Variants in TEF observed in about 807,000 individuals in gnomAD.
The protein encoded by TEF is thyrotroph embryonic factor.
TEF carries 3 observed loss-of-function variants against 20.8 expected under a neutral mutation model. The ratio of observed to expected loss-of-function variants is 0.14; its 90% confidence interval spans 0.07 to 0.37. The LOEUF is 0.37. Ranked by LOEUF, TEF falls within the 10% of genes least tolerant of loss-of-function variation. The probability of loss-of-function intolerance (pLI) is 1.00; values close to 1 mark genes in which losing one functional copy is unlikely to be tolerated. For missense variants in TEF, 296 were observed against 397.9 expected (o/e 0.74, Z 2.18); for synonymous variants, 180 against 171.1 (o/e 1.05, Z -0.41).
intron 2 of TEF, 68 bp downstream of exon 2, chr22:41,387,736 G>T: frequency 6.8e-7 from 1 of 1,481,082 alleles, no homozygotes; most frequent in Non-Finnish European, 9.1e-7. Flanking sequence ...ACTGAGGGCT[G>T]CTTGTGTCCA....
intron 2 of TEF, among the ~76,000 whole-genome samples, chr22:41,388,474 G>A (rs971181286): frequency 2.0e-4 from 31 of 151,758 alleles, no homozygotes; most frequent in African/African-American, 5.8e-4. Flanking sequence ...GACCTACGTT[G>A]GCCTCCCAAA....
intron 1 of TEF, chr22:41,367,707 C>T: frequency 8.7e-7 from 1 of 1,147,318 alleles, no homozygotes; most frequent in South Asian, 1.5e-5. Flanking sequence ...CAGGGAGGGT[C>T]TCAGCAGTGG....
chr22:41,383,666 CT>C (rs1463835972), intron 1 of TEF, among the ~76,000 whole-genome samples: 3 of 152,216 alleles, frequency 2.0e-5, no homozygotes, highest in Admixed American at 6.5e-5. Flanking sequence ...GTTGCATGAC[CT>C]GAGTGATGGA....
upstream of TEF, among the ~76,000 whole-genome samples, chr22:41,379,051 G>T (rs62238185): frequency 6.6e-6 from 1 of 152,172 alleles, no homozygotes; most frequent in South Asian, 2.1e-4. Context: ...CAGAAACCCC[G>T]TAAGGTAGGC....
At chr22:41,392,597 C>T (rs1454652332) in intron 2 of TEF, among the ~76,000 whole-genome samples, 1 of 149,374 alleles carries the variant, frequency 6.7e-6, no homozygotes, top group African/African-American at 2.5e-5. Context: ...TAGCTTGAAC[C>T]CAGGAGGTCA....
chr22:41,369,369 T>TCCAGCATGGCTGGGCAG, intron 1 of TEF: 1 of 602,002 alleles, frequency 1.7e-6, no homozygotes, highest in Non-Finnish European at 2.1e-6. Context: ...AATTAGTTAG[T>TCCAGCATGGCTGGGCAG]CCAGCATGGC....
Position 41,398,884 on chromosome 22 carries a change from G to A in TEF, c.*2924G>A, listed in dbSNP as rs113802861. ...AGCCGTGCTCCTTGGAACGCAAAGG[G>A]CCGAGGAGCATCTGGTTTTCATGGC... On this transcript the variant is annotated 3_prime_UTR_variant, in exon 4 of 4. Transcript: ENST00000266304. 6.5e-6 allele frequency: 1 copy of A among 152,686 alleles called. No individual in the cohort carries two copies. Among genetic ancestry groups the A allele is most frequent in the Non-Finnish European group, 1.5e-5 (1 of 68,056 alleles). 9.5% of individuals were successfully genotyped at this position (152,686 alleles called of 1,614,324 possible).
intron 1 of TEF, among the ~76,000 whole-genome samples, chr22:41,373,908 C>T (rs552796385): frequency 6.6e-6 from 1 of 151,766 alleles, no homozygotes; most frequent in East Asian, 1.9e-4. Context: ...AGACTACAGG[C>T]GCATGCTACC....
chr22:41,383,217 A>G (rs1393013202), intron 1 of TEF, among the ~76,000 whole-genome samples: 2 of 152,078 alleles, frequency 1.3e-5, no homozygotes, highest in African/African-American at 2.4e-5. Flanking sequence ...TCCTGGGTGT[A>G]TGCTGAGGCT....
At chr22:41,381,802 C>A, upstream of TEF, 1 of 1,044,180 alleles carries the variant, frequency 9.6e-7, no homozygotes, top group Non-Finnish European at 1.2e-6. Flanking sequence ...AGGATCTGCG[C>A]CTGCCCCTCT....
intron 1 of TEF, among the ~76,000 whole-genome samples, chr22:41,373,765 G>C (rs992181829): frequency 7.9e-6 from 1 of 126,266 alleles, no homozygotes; most frequent in Admixed American, 9.8e-5. Context: ...ACCACGCCCG[G>C]ACTTTTTTTT....
Position 41,381,992 on chromosome 22 carries a change from A to T in TEF, c.-53A>T, listed in dbSNP as rs2037032070. ...GCAGCGGGTCGCACGGCTCCGGCCCATCTCGGGGGGCGGGCGGGGGAGGCG... is the reference window on the plus strand; with the variant it reads ...GCAGCGGGTCGCACGGCTCCGGCCCTTCTCGGGGGGCGGGCGGGGGAGGCG... On this transcript the variant is annotated 5_prime_UTR_variant, in exon 1 of 4. Transcript: ENST00000266304. 8.2e-7 allele frequency: 1 copy of T among 1,226,182 alleles called. No individual in the cohort carries two copies. 76.0% of individuals were successfully genotyped at this position (1,226,182 alleles called of 1,614,324 possible). A position where few individuals can be genotyped will look rare whatever the true frequency, so the allele number is the denominator to read the frequency against.
At position 41,395,895 on chromosome 22, in the gene TEF, C is replaced by T. The variant is rs1311335118; in HGVS notation, c.847C>T (p.Arg283Cys). ...TALRTEVAEL[R>C]KEVGKCKTIV... Reference sequence around the variant, plus strand: ...CCTGCGGACGGAGGTGGCCGAGCTACGCAAGGAGGTGGGCAAGTGCAAGAC... The same window carrying T: ...CCTGCGGACGGAGGTGGCCGAGCTATGCAAGGAGGTGGGCAAGTGCAAGAC... The change falls in exon 4 of 4, where the codon CGC becomes TGC. Residue 283 changes from arginine (R) to cysteine (C), a missense_variant. Physicochemically the swap from Arg to Cys is radical, Grantham distance 180 (BLOSUM62 -3). Transcript: ENST00000266304. 2.5e-6 allele frequency: 4 copies of T among 1,614,162 alleles called. No homozygotes were observed. The highest frequency in any genetic ancestry group is 2.7e-5 in the African/African-American group (2 of 75,044).
intron 1 of TEF, chr22:41,369,932 CTT>C: frequency 1.5e-5 from 15 of 985,402 alleles, no homozygotes; most frequent in Non-Finnish European, 1.8e-5. Flanking sequence ...CCCATTTTCT[CTT>C]CTTTCTCCTG....
chr22:41,374,950 A>G (rs2036922655), intron 1 of TEF, among the ~76,000 whole-genome samples: 1 of 152,126 alleles, frequency 6.6e-6, no homozygotes, highest in Non-Finnish European at 1.5e-5. Context: ...AAGTAGACTC[A>G]TGCAGTCCAA....
At chr22:41,384,156 TTA>T (rs2037067805) in intron 1 of TEF, among the ~76,000 whole-genome samples, 1 of 152,244 alleles carries the variant, frequency 6.6e-6, no homozygotes, top group Non-Finnish European at 1.5e-5. Context: ...TATTTCCAAC[TTA>T]ATCATATTTG....
chr22:41,395,665 G>A, intron 3 of TEF, 80 bp from the exon 4 acceptor site: 1 of 1,412,238 alleles, frequency 7.1e-7, no homozygotes, highest in Non-Finnish European at 9.8e-7. Context: ...TGAGTTAGGG[G>A]AATCCAGGTG....
upstream of TEF, among the ~76,000 whole-genome samples, chr22:41,379,592 C>T (rs1387896992): frequency 6.6e-6 from 1 of 152,058 alleles, no homozygotes; most frequent in Non-Finnish European, 1.5e-5. Context: ...ACGCTGGGTG[C>T]GGTGGCTCAC....
chr22:41,367,847 G>T (rs548689325), intron 1 of TEF, among the ~76,000 whole-genome samples: 17 of 152,292 alleles, frequency 1.1e-4, no homozygotes, highest in Admixed American at 8.5e-4. Flanking sequence ...CCACTGACAG[G>T]TGCTGTGCTC....
Sources: gnomAD v4.1 joint callset for allele counts (sites outside exome capture counted in the v4.1 genomes callset) on GRCh38, gnomAD v4.1.1 for gene constraint, MANE v1.5 for transcripts, NCBI Gene and HGNC (gene_info 2026-07-23, HGNC 2026-07-21) for gene names.